The following PCDHA9 variants were observed in gnomAD, a reference collection of about 807,000 sequenced individuals.
PCDHA9 encodes the protein protocadherin alpha 9.
In PCDHA9, 62 loss-of-function variants were observed where a neutral mutation model predicts 62.0. The observed-to-expected ratio is 1.00, with a 90% CI of 0.81 to 1.23. PCDHA9 has a LOEUF of 1.23. Ranked by LOEUF, PCDHA9 falls within the 50% of genes most tolerant of loss-of-function variation. PCDHA9 has a pLI of 0.00. For synonymous variants in PCDHA9, 557 were observed against 567.6 expected (o/e 0.98, Z 0.27); for missense variants, 1,205 against 1,249.8 (o/e 0.96, Z 0.54).
intron 1 of PCDHA9, among the ~76,000 whole-genome samples, chr5:140,914,395 C>G (rs781878941): frequency 6.6e-6 from 1 of 152,082 alleles, no homozygotes; most frequent in African/African-American, 2.4e-5. Context: ...TGTAGTTACC[C>G]CTGCTCCTGT....
chr5:140,908,329 A>T (rs539575503), intron 1 of PCDHA9, among the ~76,000 whole-genome samples: 140 of 152,214 alleles, frequency 9.2e-4, no homozygotes, highest in African/African-American at 2.7e-3. Flanking sequence ...AGACCATGGG[A>T]ATTTGAGCCA....
At chr5:140,862,382 G>A (rs1213049114) in intron 1 of PCDHA9, 1 of 345,048 alleles carries the variant, frequency 2.9e-6, no homozygotes, top group East Asian at 7.5e-5. Context: ...GACTCCTCAC[G>A]TCTCTTCAAG....
chr5:140,972,406 A>T (rs75214457), intron 1 of PCDHA9, among the ~76,000 whole-genome samples: 3,555 of 151,374 alleles, frequency 0.023, 73 homozygotes, highest in Middle Eastern at 0.055. Flanking sequence ...CTATTGGCAA[A>T]CCCTGTTAAG....
chr5:140,952,608 C>T (rs2153696668), intron 1 of PCDHA9, among the ~76,000 whole-genome samples: 1 of 152,282 alleles, frequency 6.6e-6, no homozygotes, highest in Non-Finnish European at 1.5e-5. Flanking sequence ...TCTAAGCTCT[C>T]CCTCATCTTC....
At chr5:140,889,904 TTGTCATAC>T (rs1320793501) in intron 1 of PCDHA9, among the ~76,000 whole-genome samples, 4 of 152,172 alleles carry the variant, frequency 2.6e-5, no homozygotes, top group Non-Finnish European at 5.9e-5. Context: ...TACCTTGAGA[TTGTCATAC>T]TGTAAAGAAG....
intron 1 of PCDHA9, among the ~76,000 whole-genome samples, chr5:140,974,134 C>T (rs1212348196): frequency 1.3e-5 from 2 of 152,290 alleles, no homozygotes; most frequent in East Asian, 1.9e-4. Flanking sequence ...AATCTGCTAA[C>T]CTGAAAACTA....
chr5:140,914,816 A>T (rs2076855290), intron 1 of PCDHA9, among the ~76,000 whole-genome samples: 1 of 152,208 alleles, frequency 6.6e-6, no homozygotes, highest in African/African-American at 2.4e-5. Context: ...AACTTAACAG[A>T]CTGCATAAAC....
chr5:140,942,023 A>G (rs1391051051), intron 1 of PCDHA9, among the ~76,000 whole-genome samples: 2 of 152,208 alleles, frequency 1.3e-5, no homozygotes, highest in African/African-American at 4.8e-5. Context: ...TTGGGAAAAA[A>G]TAATTCATAA....
intron 1 of PCDHA9, among the ~76,000 whole-genome samples, chr5:140,976,681 A>T (rs2096726641): frequency 6.6e-6 from 1 of 152,206 alleles, no homozygotes; most frequent in Non-Finnish European, 1.5e-5. Context: ...TCATTTTTGC[A>T]ATTTAAGTAC....
In PCDHA9 at chr5:140,849,568, C is replaced by T. The variant is rs2040965455; in HGVS notation, c.1073C>T (p.Pro358Leu). 6.3e-7 allele frequency: 1 copy of T among 1,598,504 alleles called. No individual in the cohort carries two copies. Among genetic ancestry groups the T allele is most frequent in the Non-Finnish European group, 8.6e-7 (1 of 1,167,946 alleles). Reference sequence around the variant, plus strand: ...TTGACTATCAAAACGCTCTCGGTTCCTGTAAAAGAGGACGCACAACTGGGG... The same window carrying T: ...TTGACTATCAAAACGCTCTCGGTTCTTGTAAAAGAGGACGCACAACTGGGG... ...PQLTIKTLSV[P>L]VKEDAQLGTV... is the part of the protein sequence containing the mutation. Residue 358 changes from proline (P) to leucine (L), a missense_variant, in exon 1 of 4, where the codon CCT becomes CTT. Physicochemically the swap from Pro to Leu is moderately conservative, Grantham distance 98 (BLOSUM62 -3). Coordinates refer to ENST00000532602, the MANE Select transcript of PCDHA9 (RefSeq NM_031857.2).
rs570244920 is a variant in PCDHA9, at chr5:140,897,293, A to G, written c.2394+46404A>G. Reference sequence around the variant, plus strand: ...GGTGTGCTGCACCCATTAACTCGTCATTTAGCATTAGGTATATCTCCTAAA... The same window carrying G: ...GGTGTGCTGCACCCATTAACTCGTCGTTTAGCATTAGGTATATCTCCTAAA... On this transcript the variant is annotated intron_variant, in intron 1 of 3. Transcript: ENST00000532602. Among the ~76,000 whole-genome samples the G allele has an allele frequency of 1.2e-4, 18 of 149,820 alleles. No homozygotes were observed. In the South Asian group the frequency reaches 3.5e-3, roughly 29 times the overall value.
intron 1 of PCDHA9, chr5:140,877,603 C>G: frequency 6.2e-7 from 1 of 1,613,858 alleles, no homozygotes; most frequent in Non-Finnish European, 8.5e-7. Flanking sequence ...GTCCAGCCTG[C>G]TGGTGCTCAC....
chr5:141,004,163 G>A (rs374407159), intron 3 of PCDHA9, among the ~76,000 whole-genome samples: 3 of 152,234 alleles, frequency 2.0e-5, no homozygotes, highest in African/African-American at 7.2e-5. Context: ...TATAGGCAAA[G>A]CCAGCCAAGT....
rs1554142396 is a variant in PCDHA9, at chr5:140,848,733, C to A, written c.238C>A (p.Gln80Lys). The A allele has an allele frequency of 1.3e-6, 2 of 1,592,812 alleles. No individual in the cohort carries two copies. The highest frequency in any genetic ancestry group is 2.2e-5 in the South Asian group (2 of 90,140). The change falls in exon 1 of 4, where the codon CAG becomes AAG. Residue 80 changes from glutamine to lysine, a missense_variant. Gln to Lys is a moderately conservative substitution (Grantham distance 53, BLOSUM62 1). This residue lies in a region of PCDHA9 where 208 missense variants were observed against 213.2 expected (regional missense o/e 0.98). Transcript: ENST00000532602. ...GRGDLLEVNLQNGILFVNSRI... is the reference protein window; with the variant it reads ...GRGDLLEVNLKNGILFVNSRI... Reference sequence around the variant, plus strand: ...CGGGGACCTTCTGGAGGTAAATCTGCAGAATGGCATTTTGTTTGTGAATTC... The same window carrying A: ...CGGGGACCTTCTGGAGGTAAATCTGAAGAATGGCATTTTGTTTGTGAATTC...
chr5:140,850,349 G>T lies in PCDHA9; in HGVS notation c.1854G>T (p.Ala618=), dbSNP rs1554144220. 3 of 1,597,844 alleles carry T rather than the reference G, an allele frequency of 1.9e-6. No individual in the cohort carries two copies. The highest frequency in any genetic ancestry group is 2.6e-6 in the Non-Finnish European group (3 of 1,167,744). ...AGCTGCAGCCAGAAACGGCCAGCGC[G>T]AGCATCCCGTTCCGCGTGGGGCTGT... ...SYELQPETAS[A]SIPFRVGLYT... Residue 618 remains alanine (A), a synonymous_variant, in exon 1 of 4, where the codon GCG becomes GCT. Transcript: ENST00000532602.
At chr5:140,875,367 T>A (rs937879067) in intron 1 of PCDHA9, 1 of 1,449,166 alleles carries the variant, frequency 6.9e-7, no homozygotes, top group Non-Finnish European at 9.1e-7. Context: ...CTGGAAAAAA[T>A]TTACTAAATA....
chr5:140,925,641 TATAATA>T (rs10569930), intron 1 of PCDHA9, among the ~76,000 whole-genome samples: 8,694 of 143,320 alleles, frequency 0.061, 267 homozygotes, highest in Non-Finnish European at 0.068. Flanking sequence ...GAACTTAAAG[TATAATA>T]ATAATAATAA....
intron 1 of PCDHA9, among the ~76,000 whole-genome samples, chr5:140,944,007 C>T (rs1181625750): frequency 1.3e-5 from 2 of 152,046 alleles, no homozygotes; most frequent in Non-Finnish European, 2.9e-5. Flanking sequence ...TGAGTACCCC[C>T]CAAAAGCAAT....
chr5:140,915,389 G>T (rs1382922139), intron 1 of PCDHA9, among the ~76,000 whole-genome samples: 5 of 152,078 alleles, frequency 3.3e-5, no homozygotes, highest in African/African-American at 4.8e-5. Context: ...TGAAGAGCTA[G>T]GTATTTCTTA....
Sources: gnomAD v4.1 joint callset for allele counts (sites outside exome capture counted in the v4.1 genomes callset) on GRCh38, gnomAD v4.1.1 for gene constraint, gnomAD v4.1.1 regional missense constraint, MANE v1.5 for transcripts, NCBI Gene and HGNC (gene_info 2026-07-23, HGNC 2026-07-21) for gene names.